Variants in LRRTM4 observed in about 807,000 individuals in gnomAD.
LRRTM4 encodes the protein leucine-rich repeat transmembrane neuronal protein 4.
LRRTM4 carries 25 observed loss-of-function variants against 47.6 expected under a neutral mutation model. The observed-to-expected ratio is 0.53, with a 90% CI of 0.38 to 0.73. The LOEUF (loss-of-function observed/expected upper bound fraction) is 0.73. Ranked by LOEUF, LRRTM4 falls within the 30% of genes least tolerant of loss-of-function variation. The pLI, the probability that LRRTM4 is intolerant of heterozygous loss-of-function variation, is 0.00. For missense variants in LRRTM4, 638 were observed against 713.4 expected (o/e 0.89, Z 1.20); for synonymous variants, 311 against 269.5 (o/e 1.15, Z -1.51).
intron 3 of LRRTM4, among the ~76,000 whole-genome samples, chr2:77,092,229 C>T (rs1213272264): frequency 5.3e-5 from 8 of 152,132 alleles, no homozygotes; most frequent in African/African-American, 9.7e-5. Context: ...GACTTCAATC[C>T]GGCCTCCCAC....
chr2:77,518,014 GT>G, intron 3 of LRRTM4: 1 of 1,097,330 alleles, frequency 9.1e-7, no homozygotes, highest in Non-Finnish European at 1.1e-6. Flanking sequence ...AGTTTTGTTT[GT>G]ATGTGTGTTT....
chr2:76,947,760 C>T (rs543002573), intron 3 of LRRTM4, among the ~76,000 whole-genome samples: 1 of 151,896 alleles, frequency 6.6e-6, no homozygotes, highest in African/African-American at 2.4e-5. Context: ...ATGGTTAATA[C>T]AATACACCCA....
chr2:77,235,850 C>T lies in LRRTM4; in HGVS notation c.1551+282468G>A, dbSNP rs374840723. Among the ~76,000 whole-genome samples the T allele has an allele frequency of 4.0e-4, 61 of 152,060 alleles. 1 individual carries two copies. The South Asian group carries it at 0.013, about 32-fold the overall frequency. The stretch of plus-strand genomic sequence containing the variant: ...AGGCGTGCAGCTTTATTTCTGGGTT[C>T]TTCATTCTTTTTGATTGGTCTATGT... On this transcript the variant is annotated intron_variant, in intron 3 of 3. Coordinates refer to ENST00000409884, the MANE Select transcript of LRRTM4 (RefSeq NM_001134745.3).
intron 3 of LRRTM4, among the ~76,000 whole-genome samples, chr2:77,308,044 A>C (rs1364491653): frequency 7.0e-6 from 1 of 142,278 alleles, no homozygotes. Flanking sequence ...ATATATCTAT[A>C]TAACATTATA....
chr2:77,427,626 T>G (rs190098954), intron 3 of LRRTM4, among the ~76,000 whole-genome samples: 114 of 152,296 alleles, frequency 7.5e-4, no homozygotes, highest in Non-Finnish European at 1.5e-3. Flanking sequence ...GTTATATAGT[T>G]GAGTTGTTGA....
chr2:77,206,072 G>T (rs911102561), intron 3 of LRRTM4, among the ~76,000 whole-genome samples: 1 of 151,868 alleles, frequency 6.6e-6, no homozygotes, highest in Non-Finnish European at 1.5e-5. Flanking sequence ...GAGTTCCTGG[G>T]CTCAAGCGAC....
At chr2:76,887,850 A>C (rs1023724340) in intron 3 of LRRTM4, among the ~76,000 whole-genome samples, 2 of 151,214 alleles carry the variant, frequency 1.3e-5, no homozygotes, top group Admixed American at 6.6e-5. Flanking sequence ...ACTGGATGTC[A>C]AATTGTCAAG....
At position 76,917,326 on chromosome 2, in the gene LRRTM4, TA is replaced by T. The variant is rs1405525663; in HGVS notation, c.1552-168411del. Among the ~76,000 whole-genome samples, 5 of 152,342 alleles carry T rather than the reference TA, an allele frequency of 3.3e-5. No homozygotes were observed. In the South Asian group the frequency reaches 6.2e-4, roughly 19 times the overall value. ...CAGAACTCTCTCTAAAATCCTTTAA[TA>T]TTTTTTTAAATACTGGGTTTCCTAG... On this transcript the variant is annotated intron_variant, in intron 3 of 3. Transcript: ENST00000409884.
intron 3 of LRRTM4, among the ~76,000 whole-genome samples, chr2:77,144,881 T>G (rs141768185): frequency 2.0e-5 from 3 of 152,024 alleles, no homozygotes; most frequent in Middle Eastern, 3.2e-3. Flanking sequence ...CACTAGAAAA[T>G]TGTTACTCTC....
chr2:76,782,421 A>G (rs1370643456), intron 3 of LRRTM4, among the ~76,000 whole-genome samples: 1 of 152,164 alleles, frequency 6.6e-6, no homozygotes, highest in Non-Finnish European at 1.5e-5. Context: ...GGGTCCCATG[A>G]TGTTATTTAA....
chr2:76,848,264 T>C (rs534282168), intron 3 of LRRTM4, among the ~76,000 whole-genome samples: 1 of 152,286 alleles, frequency 6.6e-6, no homozygotes, highest in South Asian at 2.1e-4. Context: ...ACACTGTAAT[T>C]CATTCTAATA....
chr2:77,310,329 C>CATAT lies in LRRTM4; in HGVS notation c.1551+207985_1551+207988dup, dbSNP rs113049547. ...ACACACACATATATACACACACATA[C>CATAT]ATATATATATATATAAATTTGAAAA... On this transcript the variant is annotated intron_variant, in intron 3 of 3. Transcript: ENST00000409884. Among the ~76,000 whole-genome samples the CATAT allele has an allele frequency of 6.5e-3, 985 of 150,562 alleles. 8 individuals carry two copies. Among genetic ancestry groups the CATAT allele is most frequent in the African/African-American group, 0.023 (942 of 41,150 alleles).
chr2:77,223,495 A>C (rs1271017710), intron 3 of LRRTM4, among the ~76,000 whole-genome samples: 1 of 152,330 alleles, frequency 6.6e-6, no homozygotes, highest in Non-Finnish European at 1.5e-5. Context: ...TAAGCTGATA[A>C]GCAACTTCGG....
chr2:77,169,419 A>C (rs1672983150), intron 3 of LRRTM4, among the ~76,000 whole-genome samples: 1 of 151,996 alleles, frequency 6.6e-6, no homozygotes. Context: ...TTTTCTCCTT[A>C]GATGTACTTC....
intron 3 of LRRTM4, among the ~76,000 whole-genome samples, chr2:76,768,879 T>G (rs1196835855): frequency 6.6e-6 from 1 of 152,126 alleles, no homozygotes; most frequent in Non-Finnish European, 1.5e-5. Context: ...CTTTTTTCAT[T>G]ATTTGTAGGC....
intron 3 of LRRTM4, among the ~76,000 whole-genome samples, chr2:77,399,797 C>G (rs1456583756): frequency 6.6e-6 from 1 of 151,932 alleles, no homozygotes; most frequent in Non-Finnish European, 1.5e-5. Flanking sequence ...TTAAACATAA[C>G]ACACACTAAC....
chr2:76,862,024 C>A (rs1170818426), intron 3 of LRRTM4, among the ~76,000 whole-genome samples: 4 of 151,218 alleles, frequency 2.6e-5, no homozygotes, highest in Non-Finnish European at 5.9e-5. Flanking sequence ...GTGCTTAGTA[C>A]AAATATATTT....
intron 3 of LRRTM4, among the ~76,000 whole-genome samples, chr2:77,266,075 C>T (rs1345809649): frequency 6.6e-6 from 1 of 152,140 alleles, no homozygotes; most frequent in East Asian, 1.9e-4. Context: ...GTCATGCCTA[C>T]TCATTTACAC....
intron 3 of LRRTM4, among the ~76,000 whole-genome samples, chr2:77,050,100 C>T (rs7558964): frequency 1.4e-5 from 2 of 147,978 alleles, no homozygotes; most frequent in East Asian, 2.0e-4. Flanking sequence ...GGCTTCTAGT[C>T]TGCAGATGTG....
Sources: gnomAD v4.1 joint callset for allele counts (sites outside exome capture counted in the v4.1 genomes callset) on GRCh38, gnomAD v4.1.1 for gene constraint, MANE v1.5 for transcripts, NCBI Gene and HGNC (gene_info 2026-07-23, HGNC 2026-07-21) for gene names.